LRP6: variants seen among roughly 807,000 people sequenced by gnomAD.
The protein encoded by LRP6 is LDL receptor related protein 6.
A neutral mutation model predicts 184.1 loss-of-function variants in LRP6; 43 were observed. That is an observed-to-expected ratio of 0.23 (90% CI 0.18 to 0.30). The LOEUF is 0.30. LRP6 is among the 10% of genes least tolerant of loss of function. LRP6 has a pLI of 1.00. For synonymous variants in LRP6, 719 were observed against 684.9 expected, an observed-to-expected ratio of 1.05 and a Z score of -0.78; for missense variants, 1,571 against 2,005.3, an observed-to-expected ratio of 0.78 and a Z score of 4.14.
In LRP6 at chr12:12,138,164, C is replaced by A. The variant is rs71457133; in HGVS notation, c.3607+161G>T. On this transcript the variant is annotated intron_variant, in intron 16 of 22. Coordinates refer to ENST00000261349, the MANE Select transcript of LRP6 (RefSeq NM_002336.3). ...CCAGCCTGGGCGACAGAGTGAGACT[C>A]CGTCTCCAAAAAAAAAAAAGCATGG... Among the ~76,000 whole-genome samples, 7,764 of 151,232 alleles carry A rather than the reference C, an allele frequency of 0.051. 277 individuals are homozygous for A. Among genetic ancestry groups the A allele is most frequent in the Middle Eastern group, 0.17 (50 of 294 alleles).
intron 2 of LRP6, among the ~76,000 whole-genome samples, chr12:12,204,250 G>A (rs1473110406): frequency 1.5e-5 from 2 of 136,410 alleles, no homozygotes; most frequent in East Asian, 4.5e-4. Context: ...AAAACAGTTG[G>A]TCTTTGACAA....
intron 7 of LRP6, among the ~76,000 whole-genome samples, chr12:12,175,998 A>G (rs1315291588): frequency 6.8e-6 from 1 of 147,390 alleles, no homozygotes; most frequent in Non-Finnish European, 1.5e-5. Flanking sequence ...TCAGTGCAAC[A>G]AACGTTTTCA....
intron 2 of LRP6, among the ~76,000 whole-genome samples, chr12:12,212,160 C>G (rs1864226811): frequency 6.6e-6 from 1 of 152,098 alleles, no homozygotes; most frequent in Non-Finnish European, 1.5e-5. Context: ...AAAACAAGGA[C>G]TTTGTTTTAT....
intron 2 of LRP6, among the ~76,000 whole-genome samples, chr12:12,227,841 TTAGGA>T: frequency 6.6e-6 from 1 of 152,158 alleles, no homozygotes; most frequent in African/African-American, 2.4e-5. Flanking sequence ...AAGGGAGAAA[TTAGGA>T]GTATTTTGTT....
chr12:12,122,449 G>A (rs1024051450), intron 22 of LRP6, among the ~76,000 whole-genome samples: 1 of 152,110 alleles, frequency 6.6e-6, no homozygotes, highest in African/African-American at 2.4e-5. Context: ...TAGTGATACA[G>A]AGCACCACCA....
intron 2 of LRP6, among the ~76,000 whole-genome samples, chr12:12,225,222 G>T (rs1864588953): frequency 6.6e-6 from 1 of 152,114 alleles, no homozygotes; most frequent in African/African-American, 2.4e-5. Context: ...GGCCGGGGTG[G>T]ACGCAGTGGG....
intron 1 of LRP6, among the ~76,000 whole-genome samples, chr12:12,257,826 G>A (rs1241421307): frequency 7.3e-6 from 1 of 137,128 alleles, no homozygotes; most frequent in Non-Finnish European, 1.6e-5. Context: ...AATGAGCCGG[G>A]CGTGGTAGCA....
intron 10 of LRP6, among the ~76,000 whole-genome samples, chr12:12,161,461 G>C (rs1358875285): frequency 6.6e-6 from 1 of 151,978 alleles, no homozygotes; most frequent in Non-Finnish European, 1.5e-5. Flanking sequence ...GTAGTTACGG[G>C]GTTTCACCAT....
chr12:12,151,502 GA>G, intron 12 of LRP6, among the ~76,000 whole-genome samples: 1 of 151,416 alleles, frequency 6.6e-6, no homozygotes, highest in South Asian at 2.1e-4. Context: ...AAAGAAGGCT[GA>G]TTTTTAGTCT....
chr12:12,258,012 C>T (rs192824112), intron 1 of LRP6, among the ~76,000 whole-genome samples: 3 of 151,512 alleles, frequency 2.0e-5, no homozygotes, highest in East Asian at 1.9e-4. Context: ...ATAGTTATAT[C>T]CTAAAACCAG....
intron 1 of LRP6, 72 bp from the exon 2 acceptor site, chr12:12,244,727 A>G: frequency 1.4e-6 from 2 of 1,452,272 alleles, no homozygotes; most frequent in Non-Finnish European, 1.9e-6. Flanking sequence ...CTGCGTTTCA[A>G]ATCGGTTTAA....
At chr12:12,193,487 T>C (rs527857721) in intron 3 of LRP6, among the ~76,000 whole-genome samples, 13 of 148,994 alleles carry the variant, frequency 8.7e-5, no homozygotes, top group Non-Finnish European at 1.9e-4. Flanking sequence ...AACCCTTTAG[T>C]GCTAGACTGA....
At chr12:12,196,999 T>C (rs1863779611) in intron 3 of LRP6, among the ~76,000 whole-genome samples, 1 of 152,212 alleles carries the variant, frequency 6.6e-6, no homozygotes, top group Non-Finnish European at 1.5e-5. Flanking sequence ...ATATCTACTA[T>C]TTTGTTAGCC....
intron 2 of LRP6, among the ~76,000 whole-genome samples, chr12:12,214,906 T>C (rs1267731165): frequency 1.3e-5 from 2 of 152,192 alleles, no homozygotes. Context: ...GATCACCACA[T>C]TCAGACAGAC....
rs1385156295 is a variant in LRP6, at chr12:12,117,128, C to CT, written c.*3997dup. The CT allele has an allele frequency of 2.6e-5, 4 of 152,196 alleles. No individual in the cohort carries two copies. The highest frequency in any genetic ancestry group is 1.3e-4 in the Admixed American group (2 of 15,284). 9.4% of individuals were successfully genotyped at this position (152,196 alleles called of 1,614,324 possible). A position where few individuals can be genotyped will look rare whatever the true frequency, so the allele number is the denominator to read the frequency against. On this transcript the variant is annotated 3_prime_UTR_variant, in exon 23 of 23. Coordinates refer to ENST00000261349, the MANE Select transcript of LRP6 (RefSeq NM_002336.3). The stretch of plus-strand genomic sequence containing the variant: ...AAGTACTTTCTAAAATCATCTTTCA[C>CT]TACAAGTACTTTCTAAAATCATCTT...
intron 9 of LRP6, among the ~76,000 whole-genome samples, 200 bp downstream of exon 9, chr12:12,164,073 T>C (rs965924346): frequency 2.3e-4 from 35 of 149,542 alleles, no homozygotes; most frequent in Admixed American, 1.1e-3. Context: ...GGGGTTGCAG[T>C]GAGCCGAGAC....
At chr12:12,260,765 GC>G (rs1865595032) in intron 1 of LRP6, among the ~76,000 whole-genome samples, 1 of 152,160 alleles carries the variant, frequency 6.6e-6, no homozygotes, top group Admixed American at 6.6e-5. Flanking sequence ...GGAACACAAA[GC>G]GGCAGAAGAG....
chr12:12,251,058 G>A (rs181876364), intron 1 of LRP6, among the ~76,000 whole-genome samples: 5 of 151,918 alleles, frequency 3.3e-5, no homozygotes, highest in East Asian at 1.9e-4. Flanking sequence ...AGCCTCCCTC[G>A]TAGGTGGGAT....
At chr12:12,249,693 AAGGAAGGAAGGAAGGAAGG>A (rs1470146535) in intron 1 of LRP6, among the ~76,000 whole-genome samples, 1 of 134,832 alleles carries the variant, frequency 7.4e-6, no homozygotes, top group Non-Finnish European at 1.6e-5. Context: ...GGAAGGAAGG[AAGGAAGGAAGGAAGGAAGG>A]AAGGAAGGAA....
Sources: allele counts gnomAD v4.1 joint callset (sites outside exome capture counted in the v4.1 genomes callset), GRCh38; gene constraint gnomAD v4.1.1; transcripts MANE v1.5; gene names NCBI Gene and HGNC (gene_info 2026-07-23, HGNC 2026-07-21).